Variants in ZNF335 observed in about 807,000 individuals in gnomAD.
The protein encoded by ZNF335 is NRC-interacting factor 1.
A neutral mutation model predicts 145.6 loss-of-function variants in ZNF335; 84 were observed. The observed-to-expected ratio is 0.58, with a 90% CI of 0.48 to 0.69. The LOEUF is 0.69. ZNF335 is among the 30% of genes least tolerant of loss of function. The pLI, the probability that ZNF335 is intolerant of heterozygous loss-of-function variation, is 0.00. For synonymous variants in ZNF335, 761 were observed against 717.0 expected (o/e 1.06, Z -0.98); for missense variants, 1,865 against 1,809.7 (o/e 1.03, Z -0.55).
At chr20:45,964,158 A>G in intron 7 of ZNF335, 168 bp from the exon 8 acceptor site, 1 of 786,950 alleles carries the variant, frequency 1.3e-6, no homozygotes, top group Non-Finnish European at 1.9e-6. Context: ...GGCAGCATGG[A>G]TACTACCGCC....
rs2083991738 is a variant in ZNF335, at chr20:45,967,995, T to A, written c.553A>T (p.Thr185Ser). 10 of 1,612,242 alleles carry A rather than the reference T, an allele frequency of 6.2e-6. No individual in the cohort carries two copies. Among genetic ancestry groups the A allele is most frequent in the Admixed American group, 5.0e-5 (3 of 59,990 alleles). Reference sequence around the variant, plus strand: ...ATGGCTGCTAGGCTGTGGGCCAAGGTGGAACTGGACATTGGTGATGTCATG... The same window carrying A: ...ATGGCTGCTAGGCTGTGGGCCAAGGAGGAACTGGACATTGGTGATGTCATG... ...APMTSPMSSSTLAHSLAAIEA... is the reference protein window; with the variant it reads ...APMTSPMSSSSLAHSLAAIEA... The change falls in exon 5 of 28, where the codon ACC becomes TCC. Residue 185 changes from threonine (T) to serine (S), a missense_variant. Thr to Ser is a moderately conservative substitution (Grantham distance 58). Coordinates refer to ENST00000322927, the MANE Select transcript of ZNF335 (RefSeq NM_022095.4).
intron 20 of ZNF335, among the ~76,000 whole-genome samples, chr20:45,950,914 C>G (rs1334980867): frequency 6.6e-6 from 1 of 151,286 alleles, no homozygotes; most frequent in African/African-American, 2.4e-5. Flanking sequence ...TTTTTTGAGA[C>G]AGTTTTGCTC....
In ZNF335 at chr20:45,952,447, C is replaced by T; in HGVS notation, c.2889G>A (p.Gln963=). 6.4e-7 allele frequency: 1 copy of T among 1,566,388 alleles called. No homozygotes were observed. The highest frequency in any genetic ancestry group is 1.3e-5 in the African/African-American group (1 of 74,100). ...LASGAKWPLL[Q]CGGLPRDGPE... ...GGCCGTCTCTGGGCAGTCCCCCACA[C>T]TGCAGCAGGGGCCATTTGGCACCAG... Residue 963 remains glutamine (Q), a synonymous_variant, in exon 20 of 28, where the codon CAG becomes CAA. Transcript: ENST00000322927.
chr20:45,961,793 T>C (rs1336337135), intron 10 of ZNF335: 1 of 377,980 alleles, frequency 2.6e-6, no homozygotes, highest in Non-Finnish European at 4.9e-6. Flanking sequence ...AGGTACACAA[T>C]TTCCTTCAAT....
At chr20:45,969,863 A>G (rs2084027932) in intron 2 of ZNF335, 172 bp from the exon 3 acceptor site, 7 of 791,534 alleles carry the variant, frequency 8.8e-6, no homozygotes, top group Non-Finnish European at 1.3e-5. Context: ...CCAGTCACAG[A>G]GTCCCCCAGG....
At chr20:45,963,292 G>A (rs949579125) in intron 9 of ZNF335, among the ~76,000 whole-genome samples, 181 bp downstream of exon 9, 13 of 152,080 alleles carry the variant, frequency 8.5e-5, no homozygotes, top group African/African-American at 3.1e-4. Flanking sequence ...CCACATTCCC[G>A]CAAGCTCTGA....
Position 45,969,531 on chromosome 20 carries a change from T to C in ZNF335, c.362A>G (p.Asp121Gly), listed in dbSNP as rs1330284456. Residue 121 changes from aspartate to glycine, a missense_variant, in exon 3 of 28, where the codon GAC becomes GGC. Coordinates refer to ENST00000322927, the MANE Select transcript of ZNF335 (RefSeq NM_022095.4). Reference protein sequence around the residue: ...ALPDPNMLVSDCTASSSDLGS... With the variant: ...ALPDPNMLVSGCTASSSDLGS... ...CAGGTCCGAGGAGGAAGCTGTGCAG[T>C]CGGACACCAGCATGTTGGGGTCTGG... 6.3e-7 allele frequency: 1 copy of C among 1,591,562 alleles called. No individual in the cohort carries two copies. The highest frequency in any genetic ancestry group is 1.1e-5 in the South Asian group (1 of 90,378).
chr20:45,954,918 T>C (rs2083699073), intron 17 of ZNF335, among the ~76,000 whole-genome samples: 1 of 151,796 alleles, frequency 6.6e-6, no homozygotes, highest in Admixed American at 6.6e-5. Context: ...CAGGCATGCA[T>C]TGCCACACCC....
intron 1 of ZNF335, 48 bp from the exon 2 acceptor site, chr20:45,971,508 G>A (rs6130983): frequency 3.9e-6 from 6 of 1,530,020 alleles, no homozygotes; most frequent in Non-Finnish European, 8.8e-7. Flanking sequence ...CATCTCCCCA[G>A]CCCCGGCAAC....
At position 45,953,923 on chromosome 20, in the gene ZNF335, A is replaced by C. The variant is rs766196429; in HGVS notation, c.2468T>G (p.Val823Gly). The change falls in exon 18 of 28, where the codon GTG (valine) becomes GGG (glycine). Residue 823 changes from valine to glycine, a missense_variant. Val to Gly is a moderately radical substitution (Grantham distance 109). Coordinates refer to ENST00000322927, the MANE Select transcript of ZNF335 (RefSeq NM_022095.4). Reference sequence around the variant, plus strand: ...ACCAGGGGATGCTAACCCTGCTTCCACATCTTCCGACTTCACCACAGCCAC... The same window carrying C: ...ACCAGGGGATGCTAACCCTGCTTCCCCATCTTCCGACTTCACCACAGCCAC... ...LQVAVVKSEDVEAGLASPGGQ... is the reference protein window; with the variant it reads ...LQVAVVKSEDGEAGLASPGGQ... 30 of 1,604,264 alleles carry C rather than the reference A, an allele frequency of 1.9e-5. No homozygotes were observed. The highest frequency in any genetic ancestry group is 2.5e-5 in the Non-Finnish European group (29 of 1,175,182).
In ZNF335 at chr20:45,957,659, A is replaced by G. The variant is rs778862566; in HGVS notation, c.2369T>C (p.Met790Thr). ...YQQGAEESTA[M>T]ATQTALDLLL... is the part of the protein sequence containing the mutation. ...AAGATCCAAGGCTGTCTGCGTGGCC[A>G]TCGCTGTCGACTCCTCAGCTCCTGG... Residue 790 changes from methionine to threonine, a missense_variant, in exon 17 of 28, where the codon ATG becomes ACG. Met to Thr is a moderately conservative substitution (Grantham distance 81, BLOSUM62 -1). Transcript: ENST00000322927. 4.3e-6 allele frequency: 7 copies of G among 1,614,158 alleles called. No individual in the cohort carries two copies.
rs754209843 is a variant in ZNF335, at chr20:45,967,983, T to A, written c.565A>T (p.Ser189Cys). 11 of 1,612,652 alleles carry A rather than the reference T, an allele frequency of 6.8e-6. No homozygotes were observed. The highest frequency in any genetic ancestry group is 1.3e-5 in the African/African-American group (1 of 74,930). ...GCCAGGGCCTCAATGGCTGCTAGGC[T>A]GTGGGCCAAGGTGGAACTGGACATT... Reference protein sequence around the residue: ...SPMSSSTLAHSLAAIEALADG... With the variant: ...SPMSSSTLAHCLAAIEALADG... The change falls in exon 5 of 28, where the codon AGC becomes TGC. Residue 189 changes from serine to cysteine, a missense_variant. Transcript: ENST00000322927.
At position 45,963,997 on chromosome 20, in the gene ZNF335, C is replaced by G; in HGVS notation, c.1103-7G>C. 1 of 1,514,230 alleles carries G rather than the reference C, an allele frequency of 6.6e-7. No homozygotes were observed. The highest frequency in any genetic ancestry group is 1.4e-5 in the African/African-American group (1 of 71,708). 93.8% of individuals were successfully genotyped at this position (1,514,230 alleles called of 1,614,324 possible). ...AGAGGCTCTCCTTCCACACCTGCCA[C>G]GGACATGCCAGGTCACAAGCCAGCC... is the stretch of plus-strand genomic sequence containing the variant. On this transcript the variant is annotated splice_polypyrimidine_tract_variant and splice_region_variant and intron_variant, in intron 7 of 27. Transcript: ENST00000322927.
rs372676643 is a variant in ZNF335 at position 45,963,492 on chromosome 20, C to A, written c.1514G>T (p.Arg505Leu). The change falls in exon 9 of 28, where the codon CGC (arginine) becomes CTC (leucine). Residue 505 changes from arginine (R) to leucine (L), a missense_variant. By Grantham distance (102) the Arg-to-Leu change is moderately radical. Coordinates refer to ENST00000322927, the MANE Select transcript of ZNF335 (RefSeq NM_022095.4). ...FKCLQCSYRSRRWSSLKEHMF... is the reference protein window; with the variant it reads ...FKCLQCSYRSLRWSSLKEHMF... Reference sequence around the variant, plus strand: ...CCGCACCTTGAGCGAGGACCAGCGGCGGGAACGATAGCTGCACTGCAGGCA... The same window carrying A: ...CCGCACCTTGAGCGAGGACCAGCGGAGGGAACGATAGCTGCACTGCAGGCA... The A allele has an allele frequency of 6.2e-7, 1 of 1,612,372 alleles. No individual in the cohort carries two copies. The highest frequency in any genetic ancestry group is 1.7e-5 in the Admixed American group (1 of 60,008).
rs915351706 is a variant in ZNF335, at chr20:45,949,003, G to C, written c.3979C>G (p.Leu1327Val). 2 of 1,613,984 alleles carry C rather than the reference G, an allele frequency of 1.2e-6. No homozygotes were observed. The highest frequency in any genetic ancestry group is 1.7e-6 in the Non-Finnish European group (2 of 1,180,042). The change falls in exon 28 of 28, where the codon CTG becomes GTG. Residue 1327 changes from leucine to valine, a missense_variant. Leu to Val is a conservative substitution (Grantham distance 32). Coordinates refer to ENST00000322927, the MANE Select transcript of ZNF335 (RefSeq NM_022095.4). ...DETVPEHIQQ[L>V]QHQGIEYDVI... Reference sequence around the variant, plus strand: ...TCGTACTCGATGCCCTGGTGCTGCAGCTGTTGAATGTGTTCGGGCACTGTC... The same window carrying C: ...TCGTACTCGATGCCCTGGTGCTGCACCTGTTGAATGTGTTCGGGCACTGTC...
Position 45,969,319 on chromosome 20 carries a change from AG to A in ZNF335, c.442+131del, listed in dbSNP as rs60279086. The A allele has an allele frequency of 0.31, 369,780 of 1,175,958 alleles. 60,774 individuals are homozygous for A. Among genetic ancestry groups the A allele is most frequent in the Non-Finnish European group, 0.33 (302,025 of 905,480 alleles). 72.8% of individuals were successfully genotyped at this position (1,175,958 alleles called of 1,614,324 possible). A position where few individuals can be genotyped will look rare whatever the true frequency, so the allele number is the denominator to read the frequency against. On this transcript the variant is annotated intron_variant, in intron 3 of 27. Coordinates refer to ENST00000322927, the MANE Select transcript of ZNF335 (RefSeq NM_022095.4). ...AAATCCTCATTTACCACCATGAGAC[AG>A]GGGTGACTGTTCCCACTCTGCACAT...
rs189346085 is a variant in ZNF335 at position 45,971,332 on chromosome 20, G to A, written c.79C>T (p.Leu27=). ...GRPEEPSESG[L]GVGTSEAVSA... ...ACGGCTTCTGAGGTGCCCACACCCA[G>A]GCCGCTCTCAGAGGGCTCCTCGGGC... Residue 27 remains leucine (L), a synonymous_variant, in exon 2 of 28, where the codon CTG becomes TTG. Transcript: ENST00000322927. 16 of 1,598,548 alleles carry A rather than the reference G, an allele frequency of 1.0e-5. No homozygotes were observed. The African/African-American group carries it at 2.1e-4, about 21-fold the overall frequency.
rs751359254 is a variant in ZNF335 at position 45,948,954 on chromosome 20, C to G, written c.4028G>C (p.Ter1343SerextTer18). ...EYDVITLADD* is the reference protein window; with the variant it reads ...EYDVITLADDS ...TGATCTGTGTTGGGCCCTCGGGGCTCAGTCATCGGCCAGGGTGATGACGTC... is the reference window on the plus strand; with the variant it reads ...TGATCTGTGTTGGGCCCTCGGGGCTGAGTCATCGGCCAGGGTGATGACGTC... Residue 1343 changes from the stop codon to serine, a stop_lost, in exon 28 of 28, where the codon TGA (stop) becomes TCA (serine). Transcript: ENST00000322927. 1 of 1,613,868 alleles carries G rather than the reference C, an allele frequency of 6.2e-7. No individual in the cohort carries two copies. The highest frequency in any genetic ancestry group is 8.5e-7 in the Non-Finnish European group (1 of 1,180,020).
Position 45,949,102 on chromosome 20 carries a change from T to C in ZNF335, c.3902-22A>G, listed in dbSNP as rs773391284. The C allele has an allele frequency of 3.1e-6, 5 of 1,613,610 alleles. No homozygotes were observed. In the East Asian group the frequency reaches 8.9e-5, roughly 29 times the overall value. ...ACTGCTGCCAGGGGAGGGGAAAGTATGGTGAGCTGGAGGCTCAAGAGCTGG... is the reference window on the plus strand; with the variant it reads ...ACTGCTGCCAGGGGAGGGGAAAGTACGGTGAGCTGGAGGCTCAAGAGCTGG... On this transcript the variant is annotated intron_variant, in intron 27 of 27. Coordinates refer to ENST00000322927, the MANE Select transcript of ZNF335 (RefSeq NM_022095.4).
Sources: gnomAD v4.1 joint callset for allele counts (sites outside exome capture counted in the v4.1 genomes callset) on GRCh38, gnomAD v4.1.1 for gene constraint, MANE v1.5 for transcripts, NCBI Gene and HGNC (gene_info 2026-07-23, HGNC 2026-07-21) for gene names.